The following EPHA6 variants were observed in gnomAD, a reference collection of about 807,000 sequenced individuals.
The protein encoded by EPHA6 is ephrin type-A receptor 6.
Under a neutral mutation model 112.0 loss-of-function variants are expected in EPHA6, and 50 were observed. That is an observed-to-expected ratio of 0.45 (90% CI 0.36 to 0.56). The LOEUF (loss-of-function observed/expected upper bound fraction) is 0.56. Among genes scored for constraint, EPHA6 ranks in the 20% least tolerant of loss-of-function variants. The pLI is 0.00. For missense variants in EPHA6, 1,280 were observed against 1,417.4 expected, an observed-to-expected ratio of 0.90 and a Z score of 1.56; for synonymous variants, 529 against 490.7, an observed-to-expected ratio of 1.08 and a Z score of -1.03.
At chr3:96,999,628 G>A (rs1361490499) in intron 3 of EPHA6, among the ~76,000 whole-genome samples, 1 of 151,910 alleles carries the variant, frequency 6.6e-6, no homozygotes, top group Non-Finnish European at 1.5e-5. Context: ...CCATGGAAGA[G>A]GAAGACCAAA....
chr3:97,514,877 C>T (rs2092423269), intron 10 of EPHA6, among the ~76,000 whole-genome samples: 2 of 152,164 alleles, frequency 1.3e-5, no homozygotes, highest in African/African-American at 4.8e-5. Flanking sequence ...TGGCCAGCAC[C>T]TCCATCTAGC....
At chr3:97,358,231 C>T (rs1030247277) in intron 5 of EPHA6, among the ~76,000 whole-genome samples, 4 of 150,438 alleles carry the variant, frequency 2.7e-5, no homozygotes, top group Admixed American at 6.6e-5. Flanking sequence ...TTTCCTTTTT[C>T]GTGTTTTTGG....
chr3:97,232,941 T>G (rs1220118978), intron 4 of EPHA6, among the ~76,000 whole-genome samples: 1 of 152,148 alleles, frequency 6.6e-6, no homozygotes, highest in Non-Finnish European at 1.5e-5. Flanking sequence ...TTTTTCTTAC[T>G]GAGTGTTTCT....
Position 97,357,592 on chromosome 3 carries a change from A to G in EPHA6, c.1607-47558A>G, listed in dbSNP as rs147503547. Among the ~76,000 whole-genome samples, 421 of 152,318 alleles carry G rather than the reference A, an allele frequency of 2.8e-3. 2 individuals are homozygous for G. The highest frequency in any genetic ancestry group is 9.6e-3 in the African/African-American group (400 of 41,566). On this transcript the variant is annotated intron_variant, in intron 5 of 17. Transcript: ENST00000389672. ...CTATTTACACTTAAAGTAATTACCA[A>G]TAAGTAGGGATTTTTAGTTGACCCT...
At chr3:97,430,636 TTAAA>T (rs1354697885) in intron 6 of EPHA6, among the ~76,000 whole-genome samples, 2 of 152,156 alleles carry the variant, frequency 1.3e-5, no homozygotes, top group Non-Finnish European at 2.9e-5. Context: ...TTCACAATAG[TTAAA>T]TAATTCTTTT....
intron 3 of EPHA6, among the ~76,000 whole-genome samples, chr3:97,141,999 A>G (rs1419153214): frequency 1.3e-5 from 2 of 151,980 alleles, no homozygotes; most frequent in African/African-American, 4.8e-5. Flanking sequence ...GCATCACTCT[A>G]ATATATTGAC....
At chr3:97,057,611 G>T (rs1044765228) in intron 3 of EPHA6, among the ~76,000 whole-genome samples, 1 of 152,178 alleles carries the variant, frequency 6.6e-6, no homozygotes, top group Non-Finnish European at 1.5e-5. Context: ...AAAAGTATCA[G>T]GAGAGTTGTC....
At chr3:97,633,758 A>T (rs1427349177) in intron 13 of EPHA6, among the ~76,000 whole-genome samples, 1 of 152,136 alleles carries the variant, frequency 6.6e-6, no homozygotes. Flanking sequence ...AAGGAAACCA[A>T]TATGTCCTAA....
intron 10 of EPHA6, among the ~76,000 whole-genome samples, chr3:97,514,417 T>G (rs2092414841): frequency 1.3e-5 from 2 of 152,288 alleles, no homozygotes; most frequent in African/African-American, 2.4e-5. Context: ...AATGATAATC[T>G]TCATATTTCA....
chr3:97,362,314 T>G (rs1307483342), intron 5 of EPHA6, among the ~76,000 whole-genome samples: 1 of 152,106 alleles, frequency 6.6e-6, no homozygotes, highest in African/African-American at 2.4e-5. Context: ...TGCGCACATG[T>G]GAATTATTTT....
chr3:97,328,278 A>G (rs1312293541), intron 5 of EPHA6, among the ~76,000 whole-genome samples: 2 of 151,832 alleles, frequency 1.3e-5, no homozygotes, highest in African/African-American at 2.4e-5. Context: ...AAACTGTGAA[A>G]CTAATTTCCA....
intron 5 of EPHA6, among the ~76,000 whole-genome samples, chr3:97,262,382 C>T (rs2079533320): frequency 6.6e-6 from 1 of 152,066 alleles, no homozygotes; most frequent in Non-Finnish European, 1.5e-5. Flanking sequence ...CATCAATATT[C>T]ATATGTTTAT....
chr3:97,115,057 A>T (rs2047842779), intron 3 of EPHA6, among the ~76,000 whole-genome samples: 1 of 152,014 alleles, frequency 6.6e-6, no homozygotes, highest in Non-Finnish European at 1.5e-5. Flanking sequence ...GTTGGAAAAT[A>T]GGCTACATGG....
intron 6 of EPHA6, among the ~76,000 whole-genome samples, chr3:97,408,923 C>T (rs1395928979): frequency 6.6e-6 from 1 of 152,074 alleles, no homozygotes; most frequent in Non-Finnish European, 1.5e-5. Flanking sequence ...TGGATCTGGA[C>T]TTCCCCCAGT....
intron 10 of EPHA6, among the ~76,000 whole-genome samples, chr3:97,492,088 ATCAT>A (rs2091853202): frequency 6.6e-6 from 1 of 152,020 alleles, no homozygotes; most frequent in African/African-American, 2.4e-5. Flanking sequence ...TTTTAAGTGA[ATCAT>A]TATTTTTTCA....
chr3:97,661,249 G>A (rs1159480226), intron 14 of EPHA6, among the ~76,000 whole-genome samples: 3 of 152,100 alleles, frequency 2.0e-5, no homozygotes, highest in African/African-American at 7.2e-5. Flanking sequence ...ATTTCAGAGT[G>A]AAAAGAATTG....
At chr3:97,120,995 T>C (rs1268228008) in intron 3 of EPHA6, among the ~76,000 whole-genome samples, 1 of 151,982 alleles carries the variant, frequency 6.6e-6, no homozygotes, top group African/African-American at 2.4e-5. Context: ...TCAGAAATGT[T>C]ACGTTCCTGC....
At chr3:97,099,082 CTG>C (rs1183805771) in intron 3 of EPHA6, among the ~76,000 whole-genome samples, 5 of 152,030 alleles carry the variant, frequency 3.3e-5, no homozygotes, top group Non-Finnish European at 1.5e-5. Flanking sequence ...AGACTTTAGA[CTG>C]TTGATGACTG....
intron 2 of EPHA6, among the ~76,000 whole-genome samples, chr3:96,938,760 C>G (rs1448544467): frequency 6.6e-6 from 1 of 151,694 alleles, no homozygotes; most frequent in East Asian, 1.9e-4. Context: ...ATAGATAGCT[C>G]TTATTATTTT....
Sources: allele counts gnomAD v4.1 joint callset (sites outside exome capture counted in the v4.1 genomes callset), GRCh38; gene constraint gnomAD v4.1.1; transcripts MANE v1.5; gene names NCBI Gene and HGNC (gene_info 2026-07-23, HGNC 2026-07-21).